The following FBN2 variants were observed in gnomAD, a reference collection of about 807,000 sequenced individuals.
FBN2 encodes the protein fibrillin-2.
In FBN2, 105 loss-of-function variants were observed where a neutral mutation model predicts 355.6. The ratio of observed to expected loss-of-function variants is 0.30; its 90% CI spans 0.25 to 0.35. FBN2 has a LOEUF of 0.35. FBN2 is among the 10% of genes least tolerant of loss of function. FBN2 has a pLI of 1.00. For synonymous variants in FBN2, 1,350 were observed against 1,301.2 expected (o/e 1.04, Z -0.81); for missense variants, 3,280 against 3,758.7 (o/e 0.87, Z 3.33).
In FBN2 at chr5:128,525,917, T is replaced by C. The variant is rs73787617; in HGVS notation, c.532+1955A>G. ...GCTGAAACACATCCTAGCTCTTTCA[T>C]TCACATATTATCTATGGTCACTTCT... On this transcript the variant is annotated intron_variant, in intron 4 of 64. Transcript: ENST00000262464. Among the ~76,000 whole-genome samples, 343 of 152,296 alleles carry C rather than the reference T, an allele frequency of 2.3e-3. 1 individual carries two copies. Among genetic ancestry groups the C allele is most frequent in the African/African-American group, 8.0e-3 (333 of 41,572 alleles).
At chr5:128,434,937 G>A (rs570781625) in intron 7 of FBN2, among the ~76,000 whole-genome samples, 3 of 152,052 alleles carry the variant, frequency 2.0e-5, no homozygotes, top group Admixed American at 6.5e-5. Flanking sequence ...AAGATGTCTT[G>A]GAGGCTCTCA....
chr5:128,501,336 G>A (rs1431047976), intron 5 of FBN2, among the ~76,000 whole-genome samples: 8 of 152,108 alleles, frequency 5.3e-5, no homozygotes, highest in African/African-American at 1.4e-4. Flanking sequence ...CCTCATAGGG[G>A]CTCAGAACAT....
Position 128,276,025 on chromosome 5 carries a change from A to C in FBN2, c.7594+13T>G. ...CAGACTAGGGTCACGATTGTCAGAG[A>C]CTCTTCACTCACCTTTGCATGTCTT... On this transcript the variant is annotated intron_variant, in intron 59 of 64. Transcript: ENST00000262464. 6.2e-7 allele frequency: 1 copy of C among 1,613,182 alleles called. No individual in the cohort carries two copies. Among genetic ancestry groups the C allele is most frequent in the Non-Finnish European group, 8.5e-7 (1 of 1,179,476 alleles).
At chr5:128,416,477 T>G (rs1028569874) in intron 7 of FBN2, among the ~76,000 whole-genome samples, 5 of 152,234 alleles carry the variant, frequency 3.3e-5, no homozygotes, top group Admixed American at 2.0e-4. Flanking sequence ...AGTCATAAAA[T>G]TCTTGCCCAG....
chr5:128,358,385 G>C (rs1444493922), intron 19 of FBN2, among the ~76,000 whole-genome samples: 1 of 151,978 alleles, frequency 6.6e-6, no homozygotes, highest in African/African-American at 2.4e-5. Flanking sequence ...GGGGTTTCTA[G>C]GTTCACAAGA....
chr5:128,365,596 C>T (rs1751745365), intron 17 of FBN2, among the ~76,000 whole-genome samples: 1 of 151,476 alleles, frequency 6.6e-6, no homozygotes, highest in East Asian at 1.9e-4. Flanking sequence ...TTACTGCCTA[C>T]CATCTATAAT....
At position 128,434,908 on chromosome 5, in the gene FBN2, T is replaced by A. The variant is rs368807290; in HGVS notation, c.952+11573A>T. Among the ~76,000 whole-genome samples the A allele has an allele frequency of 2.6e-5, 4 of 152,178 alleles. No homozygotes were observed. The South Asian group carries it at 8.3e-4, about 32-fold the overall frequency. On this transcript the variant is annotated intron_variant, in intron 7 of 64. Transcript: ENST00000262464. ...GGTTTTCCTATCATTAACACACATC[T>A]AATTTTATGTCTCTGAGAAAGATGT...
At chr5:128,374,028 A>G (rs1049892613) in intron 15 of FBN2, among the ~76,000 whole-genome samples, 6 of 152,026 alleles carry the variant, frequency 3.9e-5, no homozygotes, top group African/African-American at 1.4e-4. Context: ...CCCATTACAT[A>G]TCTTATTTGT....
chr5:128,536,716 C>T (rs908534659), intron 1 of FBN2, among the ~76,000 whole-genome samples: 1 of 152,144 alleles, frequency 6.6e-6, no homozygotes, highest in Non-Finnish European at 1.5e-5. Flanking sequence ...TCGTCCCTTG[C>T]CTGCCTTTTT....
intron 5 of FBN2, among the ~76,000 whole-genome samples, chr5:128,491,733 A>C (rs1329840804): frequency 6.6e-6 from 1 of 152,216 alleles, no homozygotes; most frequent in Non-Finnish European, 1.5e-5. Context: ...CAAAAAGTCT[A>C]CCTTGATGAA....
chr5:128,271,005 C>T (rs746606725), intron 62 of FBN2, among the ~76,000 whole-genome samples: 1 of 152,094 alleles, frequency 6.6e-6, no homozygotes, highest in Non-Finnish European at 1.5e-5. Context: ...AGTGTATATT[C>T]GTGGTGTGGT....
chr5:128,378,684 T>C (rs1752151984), intron 12 of FBN2, 87 bp downstream of exon 12: 9 of 1,376,508 alleles, frequency 6.5e-6, no homozygotes, highest in African/African-American at 1.4e-5. Context: ...TTTTATTCCA[T>C]GTTTTAATAA....
chr5:128,283,005 C>T (rs1276254793), intron 55 of FBN2, among the ~76,000 whole-genome samples: 2 of 152,194 alleles, frequency 1.3e-5, no homozygotes, highest in African/African-American at 4.8e-5. Flanking sequence ...TCTAAAATGA[C>T]ATTACACACT....
In FBN2 at chr5:128,431,220, C is replaced by T. The variant is rs923844126; in HGVS notation, c.952+15261G>A. The stretch of plus-strand genomic sequence containing the variant: ...TGTTATCTTAGTGGGCCATTCCTTT[C>T]CCTTTGGAACTTTCTGGCAAAAATA... On this transcript the variant is annotated intron_variant, in intron 7 of 64. Transcript: ENST00000262464. 6.4e-4 allele frequency among the ~76,000 whole-genome samples: 97 copies of T among 152,224 alleles called. 1 individual carries two copies. Among genetic ancestry groups the T allele is most frequent in the Non-Finnish European group, 5.9e-5 (4 of 68,044 alleles).
chr5:128,278,145 T>G (rs949233113), intron 57 of FBN2, 140 bp from the exon 58 acceptor site: 17 of 825,880 alleles, frequency 2.1e-5, no homozygotes, highest in Middle Eastern at 2.4e-4. Context: ...CACCTGTTCA[T>G]CATTCAGGTG....
intron 25 of FBN2, among the ~76,000 whole-genome samples, chr5:128,340,964 G>C (rs187648115): frequency 6.6e-5 from 10 of 152,284 alleles, no homozygotes; most frequent in Non-Finnish European, 1.5e-4. Context: ...GAGATGAAGC[G>C]CACCGGTGAA....
At chr5:128,447,765 C>A (rs1243831940) in intron 6 of FBN2, among the ~76,000 whole-genome samples, 1 of 152,178 alleles carries the variant, frequency 6.6e-6, no homozygotes, top group African/African-American at 2.4e-5. Flanking sequence ...TGGGGCATCA[C>A]GGCACCTGCC....
intron 7 of FBN2, among the ~76,000 whole-genome samples, chr5:128,431,080 ATAG>A (rs1387915893): frequency 6.6e-6 from 1 of 152,188 alleles, no homozygotes; most frequent in African/African-American, 2.4e-5. Context: ...AGTCTAGACA[ATAG>A]TAGAGAAGAT....
At chr5:128,438,655 C>T (rs983167657) in intron 7 of FBN2, among the ~76,000 whole-genome samples, 5 of 152,054 alleles carry the variant, frequency 3.3e-5, no homozygotes, top group Non-Finnish European at 5.9e-5. Flanking sequence ...GTTGCAATGC[C>T]CTGTGACAGA....
Sources: allele counts gnomAD v4.1 joint callset (sites outside exome capture counted in the v4.1 genomes callset), GRCh38; gene constraint gnomAD v4.1.1; transcripts MANE v1.5; gene names NCBI Gene and HGNC (gene_info 2026-07-23, HGNC 2026-07-21).